The following DAB1 variants were observed in gnomAD, a reference collection of about 807,000 sequenced individuals.
The protein encoded by DAB1 is DAB adaptor protein 1.
A neutral mutation model predicts 64.6 loss-of-function variants in DAB1; 15 were observed. That is an observed-to-expected ratio of 0.23 (90% CI 0.16 to 0.36). The LOEUF (loss-of-function observed/expected upper bound fraction) is 0.36, where lower values mean the gene tolerates loss of function less well. DAB1 is among the 10% of genes least tolerant of loss of function. The probability of loss-of-function intolerance (pLI) is 1.00; values close to 1 mark genes in which losing one functional copy is unlikely to be tolerated. For synonymous variants in DAB1, 235 were observed against 251.9 expected, an observed-to-expected ratio of 0.93 and a Z score of 0.64; for missense variants, 596 against 706.7, an observed-to-expected ratio of 0.84 and a Z score of 1.78.
At chr1:58,289,978 AAG>A (rs1339887262) in intron 4 of DAB1, among the ~76,000 whole-genome samples, 1 of 152,216 alleles carries the variant, frequency 6.6e-6, no homozygotes, top group Admixed American at 6.5e-5. Context: ...ACATTATGGA[AAG>A]AGAGCCCTGG....
At chr1:57,863,344 T>A (rs138932817) in intron 1 of DAB1, 1 of 152,312 alleles carries the variant, frequency 6.6e-6, no homozygotes, top group African/African-American at 2.4e-5. Context: ...GATATATTTA[T>A]GATTTTAAAT....
intron 7 of DAB1, among the ~76,000 whole-genome samples, chr1:57,530,575 T>G (rs1644651237): frequency 6.6e-6 from 1 of 152,190 alleles, no homozygotes; most frequent in African/African-American, 2.4e-5. Context: ...TCTTCTCTGC[T>G]GGAAAAACAG....
chr1:58,090,190 G>A (rs150079370), intron 5 of DAB1, among the ~76,000 whole-genome samples: 7 of 151,248 alleles, frequency 4.6e-5, no homozygotes, highest in South Asian at 4.2e-4. Flanking sequence ...CTGAGGTTGC[G>A]TGGTTGAAAT....
At chr1:57,543,653 T>C (rs1043225996) in intron 7 of DAB1, among the ~76,000 whole-genome samples, 15 of 152,126 alleles carry the variant, frequency 9.9e-5, no homozygotes, top group African/African-American at 3.6e-4. Context: ...TTAGAGAAGA[T>C]TCCATGGGGA....
chr1:57,453,801 G>A (rs1461702444), intron 7 of DAB1, among the ~76,000 whole-genome samples: 2 of 152,138 alleles, frequency 1.3e-5, no homozygotes, highest in African/African-American at 4.8e-5. Context: ...TGTATTTTTA[G>A]TTTATCTCAT....
At chr1:57,218,327 T>C (rs1181843682) in intron 2 of DAB1, among the ~76,000 whole-genome samples, 1 of 151,908 alleles carries the variant, frequency 6.6e-6, no homozygotes, top group Admixed American at 6.6e-5. Context: ...TCAAACAACA[T>C]CTCTTATAAA....
intron 5 of DAB1, among the ~76,000 whole-genome samples, chr1:58,059,172 T>C (rs1648333490): frequency 1.3e-5 from 2 of 152,186 alleles, no homozygotes; most frequent in African/African-American, 4.8e-5. Context: ...TTTGCCTCCC[T>C]GGGCTGGTCA....
chr1:57,634,821 A>G (rs374511173), intron 7 of DAB1, among the ~76,000 whole-genome samples: 147 of 152,362 alleles, frequency 9.6e-4, no homozygotes, highest in African/African-American at 3.5e-3. Flanking sequence ...TGGTGGTGAA[A>G]ATGTTTTAGA....
At chr1:57,853,167 G>A (rs527308206) in intron 1 of DAB1, among the ~76,000 whole-genome samples, 5 of 152,070 alleles carry the variant, frequency 3.3e-5, no homozygotes, top group African/African-American at 1.2e-4. Flanking sequence ...ACTTCTGTGT[G>A]GTTAGGATGA....
intron 5 of DAB1, among the ~76,000 whole-genome samples, chr1:58,032,691 C>G (rs1646988773): frequency 6.6e-6 from 1 of 152,212 alleles, no homozygotes; most frequent in African/African-American, 2.4e-5. Flanking sequence ...AACCATGCCC[C>G]TTCCAATCCA....
At chr1:58,087,232 C>T (rs1650370202) in intron 5 of DAB1, among the ~76,000 whole-genome samples, 1 of 152,176 alleles carries the variant, frequency 6.6e-6, no homozygotes, top group Non-Finnish European at 1.5e-5. Context: ...GCTATTATTG[C>T]ATCCCCAGCT....
intron 3 of DAB1, among the ~76,000 whole-genome samples, chr1:58,357,969 T>G (rs911646077): frequency 1.3e-5 from 2 of 152,226 alleles, no homozygotes; most frequent in African/African-American, 4.8e-5. Flanking sequence ...CTTATGTTCC[T>G]GTATTGACTG....
Position 57,984,258 on chromosome 1 carries a change from A to AAGAAAG in DAB1, n.388-100097_388-100096insCTTTCT, listed in dbSNP as rs1557595206. Among the ~76,000 whole-genome samples, 33 of 140,702 alleles carry AAGAAAG rather than the reference A, an allele frequency of 2.3e-4. 1 individual carries two copies. Among genetic ancestry groups the AAGAAAG allele is most frequent in the South Asian group, 8.7e-4 (4 of 4,596 alleles). 92.3% of individuals were successfully genotyped at this position (140,702 alleles called of 152,430 possible). On this transcript the variant is annotated intron_variant and non_coding_transcript_variant, in intron 5 of 20. Transcript: ENST00000485760. ...AAAGAAAGAAAGAAAGAAAGAAAGA[A>AAGAAAG]AGAAAAAAAATTAAACAGCCAAACC...
intron 3 of DAB1, among the ~76,000 whole-genome samples, chr1:58,461,679 A>G (rs1645243708): frequency 6.6e-6 from 1 of 152,220 alleles, no homozygotes; most frequent in African/African-American, 2.4e-5. Context: ...GAGATGAACA[A>G]TGGTGGTTCT....
At chr1:57,683,013 T>C (rs962164409) in intron 6 of DAB1, among the ~76,000 whole-genome samples, 1 of 152,188 alleles carries the variant, frequency 6.6e-6, no homozygotes, top group Non-Finnish European at 1.5e-5. Context: ...CTTGGTGATC[T>C]GGCAGTAGTT....
chr1:57,588,952 T>A (rs559227065), intron 7 of DAB1, among the ~76,000 whole-genome samples: 1 of 152,144 alleles, frequency 6.6e-6, no homozygotes, highest in African/African-American at 2.4e-5. Context: ...ATACATATGT[T>A]TGGCTGGGCG....
At chr1:57,454,920 A>G (rs1686527552) in intron 7 of DAB1, among the ~76,000 whole-genome samples, 1 of 152,176 alleles carries the variant, frequency 6.6e-6, no homozygotes, top group Admixed American at 6.5e-5. Flanking sequence ...AGAATGTAAT[A>G]AAATAATTTC....
intron 1 of DAB1, among the ~76,000 whole-genome samples, chr1:57,367,692 C>T (rs958635678): frequency 5.3e-5 from 8 of 152,152 alleles, no homozygotes; most frequent in South Asian, 2.1e-4. Context: ...TTCCACACTC[C>T]GTGGAGCTGG....
intron 2 of DAB1, among the ~76,000 whole-genome samples, chr1:57,154,550 GT>G (rs1317015383): frequency 6.6e-6 from 1 of 152,104 alleles, no homozygotes; most frequent in Non-Finnish European, 1.5e-5. Context: ...TTTCTTTTGG[GT>G]ATATACCCAG....
Sources: allele counts gnomAD v4.1 joint callset (sites outside exome capture counted in the v4.1 genomes callset), GRCh38; gene constraint gnomAD v4.1.1; transcripts MANE v1.5; gene names NCBI Gene and HGNC (gene_info 2026-07-23, HGNC 2026-07-21).